CLCA4: variants seen among roughly 807,000 people sequenced by gnomAD.
The protein encoded by CLCA4 is chloride channel accessory 4.
CLCA4 carries 69 observed loss-of-function variants against 78.9 expected under a neutral mutation model. That is an observed-to-expected ratio of 0.87 (90% CI 0.72 to 1.07). CLCA4 has a LOEUF of 1.07. Among genes scored for constraint, CLCA4 ranks in the 50% least tolerant of loss-of-function variants. CLCA4 has a pLI of 0.00. For missense variants in CLCA4, 1,133 were observed against 1,095.8 expected, an observed-to-expected ratio of 1.03 and a Z score of -0.48; for synonymous variants, 362 against 375.8, an observed-to-expected ratio of 0.96 and a Z score of 0.42.
chr1:86,554,017 G>A (rs1274932517), intron 1 of CLCA4, among the ~76,000 whole-genome samples: 1 of 152,096 alleles, frequency 6.6e-6, no homozygotes, highest in Non-Finnish European at 1.5e-5. Context: ...GGGTTCAGGG[G>A]TACATGTGAA....
intron 1 of CLCA4, among the ~76,000 whole-genome samples, chr1:86,551,984 G>T (rs1422741854): frequency 6.6e-6 from 1 of 151,984 alleles, no homozygotes; most frequent in Non-Finnish European, 1.5e-5. Flanking sequence ...AGTATTGCAC[G>T]CACATTTAAA....
At chr1:86,574,890 C>T in intron 10 of CLCA4, 135 bp downstream of exon 10, 1 of 668,170 alleles carries the variant, frequency 1.5e-6, no homozygotes, top group Non-Finnish European at 2.5e-6. Context: ...CTTTCCATGC[C>T]TGTGTCCTTA....
chr1:86,580,279 T>C lies in CLCA4; in HGVS notation c.2694T>C (p.Ser898=), dbSNP rs765214847. 2 of 1,612,086 alleles carry C rather than the reference T, an allele frequency of 1.2e-6. No homozygotes were observed. The highest frequency in any genetic ancestry group is 1.7e-6 in the Non-Finnish European group (2 of 1,179,080). The change falls in exon 14 of 14, where the codon TCT becomes TCC. Residue 898 remains serine (S), a synonymous_variant. Transcript: ENST00000370563. ...DKSHNSGVNI[S]TLVLSVIGSV... ...GTCATAATTCTGGAGTTAATATTTC[T>C]ACGCTGGTATTGTCTGTGATTGGGT...
chr1:86,576,785 C>A (rs563701765), intron 11 of CLCA4, among the ~76,000 whole-genome samples: 1 of 152,126 alleles, frequency 6.6e-6, no homozygotes, highest in East Asian at 1.9e-4. Flanking sequence ...CATCAGATAC[C>A]AGGTCTGGCT....
chr1:86,549,819 T>C (rs1649605570), intron 1 of CLCA4, among the ~76,000 whole-genome samples: 1 of 152,176 alleles, frequency 6.6e-6, no homozygotes, highest in South Asian at 2.1e-4. Flanking sequence ...GCTTTTGGAA[T>C]TTATGTTACT....
chr1:86,549,626 T>G (rs1323775138), intron 1 of CLCA4, among the ~76,000 whole-genome samples: 1 of 152,118 alleles, frequency 6.6e-6, no homozygotes, highest in African/African-American at 2.4e-5. Context: ...AGGGAGGTTG[T>G]GGTAAAGATT....
At position 86,563,774 on chromosome 1, in the gene CLCA4, G is replaced by T; in HGVS notation, c.557+5G>T. 6.5e-7 allele frequency: 1 copy of T among 1,540,468 alleles called. No individual in the cohort carries two copies. Among genetic ancestry groups the T allele is most frequent in the Admixed American group, 1.8e-5 (1 of 56,020 alleles). On this transcript the variant is annotated splice_donor_5th_base_variant and intron_variant, in intron 4 of 13. Coordinates refer to ENST00000370563, the MANE Select transcript of CLCA4 (RefSeq NM_012128.4). Reference sequence around the variant, plus strand: ...AAAAAAAATCGAAGCAACAAGGCATGGCTATTTAAATTTTCTAAACTGACT... The same window carrying T: ...AAAAAAAATCGAAGCAACAAGGCATTGCTATTTAAATTTTCTAAACTGACT...
Position 86,567,420 on chromosome 1 carries a change from C to G in CLCA4, c.955-4C>G, listed in dbSNP as rs1379215293. On this transcript the variant is annotated splice_polypyrimidine_tract_variant and splice_region_variant and intron_variant, in intron 6 of 13. Coordinates refer to ENST00000370563, the MANE Select transcript of CLCA4 (RefSeq NM_012128.4). ...TGTTTGTTTTTCTTGTCTTTTTAAT[C>G]TAGGGTAAGGACCGCCTAAATCGAA... 6.3e-7 allele frequency: 1 copy of G among 1,585,614 alleles called. No homozygotes were observed. Among genetic ancestry groups the G allele is most frequent in the Admixed American group, 1.8e-5 (1 of 55,080 alleles).
chr1:86,558,162 CT>C (rs1649906665), intron 1 of CLCA4, among the ~76,000 whole-genome samples: 1 of 152,060 alleles, frequency 6.6e-6, no homozygotes, highest in Non-Finnish European at 1.5e-5. Context: ...CACTCTGTGC[CT>C]TTTAAGTGGG....
At chr1:86,572,441 A>G (rs1650376808) in intron 8 of CLCA4, among the ~76,000 whole-genome samples, 173 bp from the exon 9 acceptor site, 1 of 152,054 alleles carries the variant, frequency 6.6e-6, no homozygotes, top group African/African-American at 2.4e-5. Flanking sequence ...TTCCCTAGTT[A>G]TGACATTTTA....
At chr1:86,579,113 T>C (rs900114195) in intron 12 of CLCA4, among the ~76,000 whole-genome samples, 4 of 152,040 alleles carry the variant, frequency 2.6e-5, no homozygotes, top group African/African-American at 9.7e-5. Context: ...TTATATAATA[T>C]TTCTGTCACC....
At chr1:86,553,123 G>C (rs1649715137) in intron 1 of CLCA4, 1 of 797,788 alleles carries the variant, frequency 1.3e-6, no homozygotes, top group Non-Finnish European at 2.2e-6. Flanking sequence ...CCCATCCTGC[G>C]TCATCTCCTC....
At chr1:86,575,143 T>C (rs1650470944) in intron 10 of CLCA4, among the ~76,000 whole-genome samples, 189 bp from the exon 11 acceptor site, 1 of 152,072 alleles carries the variant, frequency 6.6e-6, no homozygotes, top group African/African-American at 2.4e-5. Context: ...TAGCGAAGTG[T>C]ACACATCATG....
In CLCA4 at chr1:86,574,601, A is replaced by G. The variant is rs200785098; in HGVS notation, c.1529A>G (p.Asp510Gly). The change falls in exon 10 of 14, where the codon GAT becomes GGT. Residue 510 changes from aspartate to glycine, a missense_variant. Physicochemically the swap from Asp to Gly is moderately conservative, Grantham distance 94 (BLOSUM62 -1). Transcript: ENST00000370563. ...TGGATGAACGACACTGTCATAATTG[A>G]TAGTACAGTGGGAAAGGACACGTTC... ...NAWMNDTVII[D>G]STVGKDTFFL... 346 of 1,613,098 alleles carry G rather than the reference A, an allele frequency of 2.1e-4. No individual in the cohort carries two copies. Among genetic ancestry groups the G allele is most frequent in the Non-Finnish European group, 2.5e-4 (295 of 1,179,394 alleles).
intron 10 of CLCA4, 55 bp from the exon 11 acceptor site, chr1:86,575,277 A>G: frequency 2.9e-6 from 4 of 1,374,082 alleles, no homozygotes; most frequent in Non-Finnish European, 4.1e-6. Context: ...CATAATGGAA[A>G]TATAGAAAGT....
intron 4 of CLCA4, among the ~76,000 whole-genome samples, chr1:86,564,617 T>A (rs1365850488): frequency 1.3e-5 from 2 of 152,168 alleles, no homozygotes; most frequent in Non-Finnish European, 2.9e-5. Flanking sequence ...CATCATTTCC[T>A]GAATTTGAAC....
At chr1:86,550,125 A>G (rs760185357) in intron 1 of CLCA4, among the ~76,000 whole-genome samples, 2 of 152,136 alleles carry the variant, frequency 1.3e-5, no homozygotes, top group Non-Finnish European at 2.9e-5. Flanking sequence ...GCATGTTTTA[A>G]TTACCCAGCA....
chr1:86,554,666 G>A (rs573861845), intron 1 of CLCA4, among the ~76,000 whole-genome samples: 12 of 152,298 alleles, frequency 7.9e-5, no homozygotes, highest in African/African-American at 2.9e-4. Flanking sequence ...TCAAGTGCAT[G>A]TGTGTCTTTC....
Position 86,566,037 on chromosome 1 carries a change from T to C in CLCA4, c.954+17T>C. 6.3e-7 allele frequency: 1 copy of C among 1,599,996 alleles called. No homozygotes were observed. The highest frequency in any genetic ancestry group is 8.6e-7 in the Non-Finnish European group (1 of 1,168,430). On this transcript the variant is annotated intron_variant, in intron 6 of 13. Transcript: ENST00000370563. ...AGCATGGGGGTAAGATCACTTTTTC[T>C]GGATATAGGGATGTAGGATATTTGA...
Sources: gnomAD v4.1 joint callset for allele counts (sites outside exome capture counted in the v4.1 genomes callset) on GRCh38, gnomAD v4.1.1 for gene constraint, MANE v1.5 for transcripts, NCBI Gene and HGNC (gene_info 2026-07-23, HGNC 2026-07-21) for gene names.